TSGA10: variants seen among roughly 807,000 people sequenced by gnomAD.
TSGA10 encodes the protein testis specific 10.
Under a neutral mutation model 96.6 loss-of-function variants are expected in TSGA10, and 43 were observed. The observed-to-expected ratio is 0.44, with a 90% confidence interval of 0.35 to 0.57. The LOEUF (loss-of-function observed/expected upper bound fraction) is 0.57, where lower values mean the gene tolerates loss of function less well. Among genes scored for constraint, TSGA10 ranks in the 20% least tolerant of loss-of-function variants. The pLI is 0.01. For missense variants in TSGA10, 703 were observed against 834.4 expected, an observed-to-expected ratio of 0.84 and a Z score of 1.94; for synonymous variants, 229 against 269.9, an observed-to-expected ratio of 0.85 and a Z score of 1.48.
Position 99,117,611 on chromosome 2 carries a change from G to A in TSGA10, c.-207C>T. 1 of 985,764 alleles carries A rather than the reference G, an allele frequency of 1.0e-6. No homozygotes were observed. Among genetic ancestry groups the A allele is most frequent in the South Asian group, 4.7e-5 (1 of 21,284 alleles). 61.1% of individuals were successfully genotyped at this position (985,764 alleles called of 1,614,324 possible). A position where few individuals can be genotyped will look rare whatever the true frequency, so the allele number is the denominator to read the frequency against. On this transcript the variant is annotated 5_prime_UTR_variant, in exon 4 of 21. Coordinates refer to ENST00000393483, the MANE Select transcript of TSGA10 (RefSeq NM_025244.4). ...ATTTTTCTCTTTTTCGAGTTGCTCT[G>A]CTAGTTGGTCAATTTTAATCAATTC...
chr2:99,019,186 T>A (rs968891176), intron 18 of TSGA10, among the ~76,000 whole-genome samples: 1 of 152,204 alleles, frequency 6.6e-6, no homozygotes, highest in African/African-American at 2.4e-5. Flanking sequence ...CATTGATGAA[T>A]GCCACTCACA....
At chr2:99,017,865 A>G (rs2079660094) in intron 20 of TSGA10, among the ~76,000 whole-genome samples, 1 of 152,056 alleles carries the variant, frequency 6.6e-6, no homozygotes, top group South Asian at 2.1e-4. Context: ...GGTACAGTGC[A>G]CACTGTTTGG....
At chr2:99,050,575 T>C (rs905662444) in intron 16 of TSGA10, among the ~76,000 whole-genome samples, 3 of 152,182 alleles carry the variant, frequency 2.0e-5, no homozygotes, top group African/African-American at 7.2e-5. Context: ...AACAGTTCCA[T>C]ATATCATCAG....
At chr2:99,071,396 C>T (rs1467287919) in intron 14 of TSGA10, among the ~76,000 whole-genome samples, 1 of 150,260 alleles carries the variant, frequency 6.7e-6, no homozygotes, top group Admixed American at 6.6e-5. Flanking sequence ...AAAAAAAACA[C>T]CTATTCTTTT....
At chr2:99,017,671 A>G (rs1439735066) in intron 20 of TSGA10, among the ~76,000 whole-genome samples, 1 of 151,154 alleles carries the variant, frequency 6.6e-6, no homozygotes, top group East Asian at 2.0e-4. Flanking sequence ...AGGCTGAGGC[A>G]GGAGAATGGC....
In TSGA10 at chr2:99,022,324, CAAAAAAAAAAAAAA is replaced by C. The variant is rs56381088; in HGVS notation, c.1615-1856_1615-1843del. Among the ~76,000 whole-genome samples, 80 of 43,912 alleles carry C rather than the reference CAAAAAAAAAAAAAA, an allele frequency of 1.8e-3. 4 individuals are homozygous for C. In the East Asian group the frequency reaches 0.076, roughly 42 times the overall value. The allele number at this position is 43,912 out of a possible 152,430, so 28.8% of individuals were successfully genotyped here. A position where few individuals can be genotyped will look rare whatever the true frequency, so the allele number is the denominator to read the frequency against. On this transcript the variant is annotated intron_variant, in intron 17 of 20. Coordinates refer to ENST00000393483, the MANE Select transcript of TSGA10 (RefSeq NM_025244.4). ...TCGGCCACTGAAGGAGACCCTGTCT[CAAAAAAAAAAAAAA>C]AAAAAAAAAAAAAACACCCAACACA...
intron 14 of TSGA10, among the ~76,000 whole-genome samples, chr2:99,070,095 C>T (rs1197285477): frequency 1.3e-5 from 2 of 152,040 alleles, no homozygotes; most frequent in African/African-American, 4.8e-5. Flanking sequence ...GAAAAAACTA[C>T]TTTTGAGCAT....
At chr2:99,027,259 T>A (rs572694373) in intron 17 of TSGA10, among the ~76,000 whole-genome samples, 135 of 151,950 alleles carry the variant, frequency 8.9e-4, no homozygotes, top group Non-Finnish European at 1.5e-3. Context: ...GCAACCTGGG[T>A]GGAATTGGAG....
At chr2:99,108,565 T>A (rs1021962816) in intron 7 of TSGA10, among the ~76,000 whole-genome samples, 1 of 152,158 alleles carries the variant, frequency 6.6e-6, no homozygotes, top group Non-Finnish European at 1.5e-5. Context: ...CATTTAACGG[T>A]TTCTTCATAT....
chr2:99,068,385 G>C (rs565263307), intron 15 of TSGA10, among the ~76,000 whole-genome samples: 1 of 152,222 alleles, frequency 6.6e-6, no homozygotes, highest in African/African-American at 2.4e-5. Flanking sequence ...GTTTATTCCT[G>C]AGTTGCCACA....
intron 17 of TSGA10, among the ~76,000 whole-genome samples, chr2:99,024,551 G>A (rs1202662295): frequency 4.6e-5 from 7 of 152,092 alleles, no homozygotes; most frequent in African/African-American, 1.7e-4. Context: ...TACGTTTTTA[G>A]TGGATTCTTA....
rs768206571 is a variant in TSGA10, at chr2:98,998,123, C to T, written c.*74G>A. On this transcript the variant is annotated 3_prime_UTR_variant, in exon 21 of 21. Transcript: ENST00000393483. Reference sequence around the variant, plus strand: ...GCCAAGCATTTAAAAGATAAATGCACTCATGTAGCAAAAAAAAAAAAATCA... The same window carrying T: ...GCCAAGCATTTAAAAGATAAATGCATTCATGTAGCAAAAAAAAAAAAATCA... The T allele has an allele frequency of 4.7e-5, 60 of 1,285,124 alleles. No homozygotes were observed. The highest frequency in any genetic ancestry group is 2.4e-4 in the Admixed American group (11 of 46,238). 79.6% of individuals were successfully genotyped at this position (1,285,124 alleles called of 1,614,324 possible).
chr2:99,034,998 C>A (rs1047778454), intron 17 of TSGA10, among the ~76,000 whole-genome samples: 10 of 152,160 alleles, frequency 6.6e-5, no homozygotes, highest in Admixed American at 3.3e-4. Context: ...TTTTATGATT[C>A]TGCTGGCTAA....
chr2:99,106,431 C>A (rs1390667604), intron 7 of TSGA10, among the ~76,000 whole-genome samples: 1 of 152,012 alleles, frequency 6.6e-6, no homozygotes, highest in Non-Finnish European at 1.5e-5. Flanking sequence ...TGAATAGTAC[C>A]CTCTCCACTG....
intron 17 of TSGA10, 128 bp from the exon 18 acceptor site, chr2:99,020,610 T>C (rs1034072768): frequency 3.1e-6 from 2 of 639,532 alleles, no homozygotes; most frequent in Non-Finnish European, 5.4e-6. Flanking sequence ...GATTTGAAAT[T>C]GTGTCCCTCC....
At chr2:99,123,583 T>C (rs746199010) in intron 2 of TSGA10, among the ~76,000 whole-genome samples, 5 of 152,220 alleles carry the variant, frequency 3.3e-5, no homozygotes, top group Admixed American at 1.3e-4. Flanking sequence ...TATAATTCAG[T>C]GGCATTAAGT....
intron 10 of TSGA10, among the ~76,000 whole-genome samples, chr2:99,100,880 T>C (rs1416470329): frequency 1.9e-5 from 2 of 106,886 alleles, no homozygotes; most frequent in African/African-American, 7.3e-5. Flanking sequence ...GAAGATAATA[T>C]AGGAACATAC....
intron 20 of TSGA10, among the ~76,000 whole-genome samples, chr2:99,015,117 G>A (rs540335426): frequency 2.1e-4 from 32 of 152,104 alleles, no homozygotes; most frequent in African/African-American, 6.3e-4. Flanking sequence ...AGAGAAAGAC[G>A]GAATCCTCCC....
chr2:99,057,975 G>T (rs2084195832), intron 16 of TSGA10, among the ~76,000 whole-genome samples: 1 of 152,100 alleles, frequency 6.6e-6, no homozygotes, highest in Admixed American at 6.5e-5. Context: ...TGATAGAGGT[G>T]CCAAGACCAT....
Sources: allele counts gnomAD v4.1 joint callset (sites outside exome capture counted in the v4.1 genomes callset), GRCh38; gene constraint gnomAD v4.1.1; transcripts MANE v1.5; gene names NCBI Gene and HGNC (gene_info 2026-07-23, HGNC 2026-07-21).